Variants in RB1 observed in about 807,000 individuals in gnomAD.
The protein encoded by RB1 is retinoblastoma-associated protein.
RB1 carries 18 observed loss-of-function variants against 135.4 expected under a neutral mutation model. The ratio of observed to expected loss-of-function variants is 0.13; its 90% CI spans 0.09 to 0.20. The LOEUF (loss-of-function observed/expected upper bound fraction) is 0.20, where lower values mean the gene tolerates loss of function less well. Among genes scored for constraint, RB1 ranks in the 10% least tolerant of loss-of-function variants. RB1 has a pLI of 1.00. For missense variants in RB1, 868 were observed against 1,110.0 expected, an observed-to-expected ratio of 0.78 and a Z score of 3.10; for synonymous variants, 365 against 373.2, an observed-to-expected ratio of 0.98 and a Z score of 0.25.
At chr13:48,470,736 A>C (rs1949463341) in intron 23 of RB1, among the ~76,000 whole-genome samples, 1 of 20,140 alleles carries the variant, frequency 5.0e-5, no homozygotes, top group African/African-American at 6.3e-5. Flanking sequence ...AACCCTATCA[A>C]AAAGTGGGCG....
chr13:48,307,521 T>C (rs1475168681), intron 2 of RB1, 115 bp downstream of exon 2: 1 of 1,123,800 alleles, frequency 8.9e-7, no homozygotes, highest in African/African-American at 1.6e-5. Flanking sequence ...AAGCTAATAA[T>C]AATTCCATTA....
rs369830657 is a variant in RB1, at chr13:48,345,161, G to A, written c.462G>A (p.Lys154=). The change falls in exon 4 of 27, where the codon AAG becomes AAA. Residue 154 remains lysine (K), a synonymous_variant. Coordinates refer to ENST00000267163, the MANE Select transcript of RB1 (RefSeq NM_000321.3). ...VDNAMSRLLK[K]YDVLFALFSK... Reference sequence around the variant, plus strand: ...ATGCTATGTCAAGACTGTTGAAGAAGTATGATGTATTGTTTGCACTCTTCA... The same window carrying A: ...ATGCTATGTCAAGACTGTTGAAGAAATATGATGTATTGTTTGCACTCTTCA... The A allele has an allele frequency of 5.0e-5, 80 of 1,612,692 alleles. No homozygotes were observed. Among genetic ancestry groups the A allele is most frequent in the Non-Finnish European group, 6.4e-5 (75 of 1,179,548 alleles).
rs147205601 is a variant in RB1 at position 48,451,532 on chromosome 13, T to C, written c.1696-1461T>C. Among the ~76,000 whole-genome samples, 1,280 of 152,296 alleles carry C rather than the reference T, an allele frequency of 8.4e-3. 16 individuals are homozygous for C. The highest frequency in any genetic ancestry group is 0.03 in the African/African-American group (1,237 of 41,562). ...TGGATTTGGTTTGCCAGTATTTTAT[T>C]GTGGATTTTTGCATTGCTGTTCATC... On this transcript the variant is annotated intron_variant, in intron 17 of 26. Transcript: ENST00000267163.
intron 9 of RB1, 141 bp from the exon 10 acceptor site, chr13:48,367,353 T>G: frequency 1.2e-6 from 1 of 866,196 alleles, no homozygotes; most frequent in Middle Eastern, 3.6e-4. Context: ...TAGACCTTAT[T>G]TATATTGCAT....
chr13:48,329,402 C>T (rs912964989), intron 2 of RB1, among the ~76,000 whole-genome samples: 2 of 152,174 alleles, frequency 1.3e-5, no homozygotes, highest in Admixed American at 1.3e-4. Context: ...TCAAGATATA[C>T]AAAGCTGCCA....
chr13:48,408,809 T>A (rs369062550), intron 17 of RB1: 1 of 152,322 alleles, frequency 6.6e-6, no homozygotes, highest in African/African-American at 2.4e-5. Context: ...ATGAACATAG[T>A]AATAACAACT....
chr13:48,364,824 T>A, intron 8 of RB1, 70 bp from the exon 9 acceptor site: 2 of 1,508,462 alleles, frequency 1.3e-6, no homozygotes, highest in Non-Finnish European at 1.8e-6. Context: ...TACCCTGCAT[T>A]GTTCAAGAGT....
At position 48,402,741 on chromosome 13, in the gene RB1, C is replaced by T. The variant is rs972830536; in HGVS notation, c.1695+21298C>T. Among the ~76,000 whole-genome samples, 86 of 152,096 alleles carry T rather than the reference C, an allele frequency of 5.7e-4. 1 individual carries two copies. Among genetic ancestry groups the T allele is most frequent in the Non-Finnish European group, 4.0e-4 (27 of 67,984 alleles). ...TAAATGCAGGTCCATTTTTTCCCCT[C>T]GTTTTAGGTAGCTAAGATTATATTG... On this transcript the variant is annotated intron_variant, in intron 17 of 26. Transcript: ENST00000267163.
At chr13:48,316,989 C>A in intron 2 of RB1, 1 of 479,522 alleles carries the variant, frequency 2.1e-6, no homozygotes. Flanking sequence ...GACCCTTCGT[C>A]AATACCTCAG....
At chr13:48,451,166 C>T (rs1365449092) in intron 17 of RB1, among the ~76,000 whole-genome samples, 1 of 152,154 alleles carries the variant, frequency 6.6e-6, no homozygotes, top group African/African-American at 2.4e-5. Flanking sequence ...TCTTCCAATA[C>T]TATGTTGAAT....
intron 2 of RB1, chr13:48,317,089 C>T (rs997576593): frequency 6.7e-6 from 6 of 889,446 alleles, no homozygotes; most frequent in Non-Finnish European, 3.1e-6. Context: ...GGCCCGCCGT[C>T]CTTCTTCGCC....
intron 17 of RB1, chr13:48,429,637 G>A (rs1949109867): frequency 6.6e-6 from 1 of 151,294 alleles, no homozygotes; most frequent in African/African-American, 2.4e-5. Flanking sequence ...ATTTTCAAAT[G>A]AATACACTTT....
chr13:48,457,622 C>T (rs1949368963), intron 19 of RB1, among the ~76,000 whole-genome samples: 1 of 152,240 alleles, frequency 6.6e-6, no homozygotes, highest in East Asian at 1.9e-4. Flanking sequence ...CTCCTGCCGC[C>T]ATCCATGCGT....
chr13:48,317,134 C>G (rs774458889), intron 2 of RB1: 4 of 897,304 alleles, frequency 4.5e-6, no homozygotes, highest in Non-Finnish European at 6.1e-6. Flanking sequence ...GGGCTGGGCC[C>G]GGCCTGGGCC....
At chr13:48,318,105 A>G (rs898016960) in intron 2 of RB1, 4 of 525,270 alleles carry the variant, frequency 7.6e-6, no homozygotes, top group African/African-American at 5.8e-5. Flanking sequence ...GCATCCCCTC[A>G]CTCGGAAGGC....
rs1488198814 is a variant in RB1 at position 48,406,811 on chromosome 13, T to G, written c.1695+25368T>G. ...GCCTGCACCTGTAGTCCCAGCTGCTTGAGAGGCTGAGGTGGGAAGATTGCT... is the reference window on the plus strand; with the variant it reads ...GCCTGCACCTGTAGTCCCAGCTGCTGGAGAGGCTGAGGTGGGAAGATTGCT... On this transcript the variant is annotated intron_variant, in intron 17 of 26. Coordinates refer to ENST00000267163, the MANE Select transcript of RB1 (RefSeq NM_000321.3). 3.3e-5 allele frequency: 5 copies of G among 152,246 alleles called. No homozygotes were observed. The East Asian group carries it at 7.7e-4, about 23-fold the overall frequency. The allele number at this position is 152,246 out of a possible 1,614,324, so 9.4% of individuals were successfully genotyped here. A position where few individuals can be genotyped will look rare whatever the true frequency, so the allele number is the denominator to read the frequency against.
chr13:48,353,886 G>A lies in RB1; in HGVS notation c.607+4863G>A, dbSNP rs556147696. Among the ~76,000 whole-genome samples, 39 of 152,170 alleles carry A rather than the reference G, an allele frequency of 2.6e-4. No individual in the cohort carries two copies. The South Asian group carries it at 6.6e-3, about 26-fold the overall frequency. Reference sequence around the variant, plus strand: ...CTGAAAAAGCATTTGATAAAATTCAGCATCCTTCATGCCCAAAACCCTAAA... The same window carrying A: ...CTGAAAAAGCATTTGATAAAATTCAACATCCTTCATGCCCAAAACCCTAAA... On this transcript the variant is annotated intron_variant, in intron 6 of 26. Transcript: ENST00000267163.
intron 17 of RB1, among the ~76,000 whole-genome samples, chr13:48,435,055 T>C (rs1201868178): frequency 1.3e-5 from 2 of 152,224 alleles, no homozygotes; most frequent in Non-Finnish European, 2.9e-5. Flanking sequence ...ATGGGTTTTC[T>C]TTTCTCTGGG....
chr13:48,367,980 T>C (rs1952720454), intron 10 of RB1, among the ~76,000 whole-genome samples: 1 of 152,136 alleles, frequency 6.6e-6, no homozygotes, highest in Non-Finnish European at 1.5e-5. Flanking sequence ...AAGTGTAGTC[T>C]CTGTTATTAT....
Sources: allele counts gnomAD v4.1 joint callset (sites outside exome capture counted in the v4.1 genomes callset), GRCh38; gene constraint gnomAD v4.1.1; transcripts MANE v1.5; gene names NCBI Gene and HGNC (gene_info 2026-07-23, HGNC 2026-07-21).